ABI3BP: variants seen among roughly 807,000 people sequenced by gnomAD.
ABI3BP encodes the protein target of Nesh-SH3.
Under a neutral mutation model 268.6 loss-of-function variants are expected in ABI3BP, and 216 were observed. The observed-to-expected ratio is 0.80, with a 90% CI of 0.72 to 0.90. The LOEUF (loss-of-function observed/expected upper bound fraction) is 0.90. ABI3BP is among the 40% of genes least tolerant of loss of function. ABI3BP has a pLI of 0.00. For missense variants in ABI3BP, 2,090 were observed against 2,182.4 expected (o/e 0.96, Z 0.84); for synonymous variants, 730 against 730.0 (o/e 1.00, Z 0.00).
At chr3:100,868,013 T>A (rs568490884) in intron 9 of ABI3BP, among the ~76,000 whole-genome samples, 78 of 152,246 alleles carry the variant, frequency 5.1e-4, no homozygotes, top group Non-Finnish European at 6.3e-4. Flanking sequence ...GGATTAATTC[T>A]ATTCAGTTAT....
intron 2 of ABI3BP, among the ~76,000 whole-genome samples, chr3:100,925,738 G>T (rs2061606541): frequency 6.6e-6 from 1 of 151,812 alleles, no homozygotes; most frequent in Admixed American, 6.6e-5. Flanking sequence ...TTCTTAAATG[G>T]TTTTATTTGC....
At chr3:100,901,067 TAC>T (rs1391252410) in intron 3 of ABI3BP, among the ~76,000 whole-genome samples, 3 of 152,212 alleles carry the variant, frequency 2.0e-5, no homozygotes, top group Non-Finnish European at 4.4e-5. Context: ...ATTTTTGAAG[TAC>T]AGTCTTGAAA....
At chr3:100,826,339 T>C (rs1277497672) in intron 34 of ABI3BP, among the ~76,000 whole-genome samples, 1 of 152,172 alleles carries the variant, frequency 6.6e-6, no homozygotes, top group Non-Finnish European at 1.5e-5. Flanking sequence ...CTTTTTCAAA[T>C]GGAAATTAAT....
At chr3:100,874,256 G>A (rs1200442081) in intron 9 of ABI3BP, among the ~76,000 whole-genome samples, 2 of 152,130 alleles carry the variant, frequency 1.3e-5, no homozygotes, top group Middle Eastern at 3.2e-3. Context: ...GTTTGATCAA[G>A]CTTGAGATTC....
At chr3:100,806,298 AAT>A (rs1249501718) in intron 50 of ABI3BP, among the ~76,000 whole-genome samples, 1 of 152,102 alleles carries the variant, frequency 6.6e-6, no homozygotes, top group Non-Finnish European at 1.5e-5. Flanking sequence ...GCCCAACAAC[AAT>A]AGTTTGTATT....
At chr3:100,855,560 A>G (rs1490603686) in intron 14 of ABI3BP, among the ~76,000 whole-genome samples, 2 of 152,260 alleles carry the variant, frequency 1.3e-5, no homozygotes, top group Non-Finnish European at 2.9e-5. Flanking sequence ...TGTCCATTAC[A>G]ATAAACAGTA....
intron 60 of ABI3BP, 22 bp from the exon 61 acceptor site, chr3:100,774,695 C>T (rs1213937511): frequency 1.3e-6 from 2 of 1,510,394 alleles, no homozygotes; most frequent in South Asian, 1.3e-5. Flanking sequence ...AAATAATGAA[C>T]AGTTTTGGCA....
intron 25 of ABI3BP, 40 bp from the exon 26 acceptor site, chr3:100,838,324 A>G: frequency 6.5e-7 from 1 of 1,529,004 alleles, no homozygotes; most frequent in Non-Finnish European, 8.8e-7. Flanking sequence ...GTTACGGCTG[A>G]GCTGTGAATG....
intron 2 of ABI3BP, among the ~76,000 whole-genome samples, chr3:100,920,479 A>T (rs749270975): frequency 6.6e-5 from 10 of 152,136 alleles, no homozygotes; most frequent in Admixed American, 1.3e-4. Context: ...GCTGGAGTGC[A>T]TTGGCGTGAT....
At chr3:100,947,170 A>T (rs1167956551) in intron 1 of ABI3BP, among the ~76,000 whole-genome samples, 2 of 152,162 alleles carry the variant, frequency 1.3e-5, no homozygotes, top group Non-Finnish European at 2.9e-5. Flanking sequence ...TGAACTATGC[A>T]CATACCTGAT....
chr3:100,824,811 G>A (rs780662131), intron 36 of ABI3BP, 47 bp downstream of exon 36: 12 of 1,476,164 alleles, frequency 8.1e-6, no homozygotes, highest in Admixed American at 4.0e-5. Context: ...TCCCCACTGC[G>A]ACAGGCTGCC....
intron 1 of ABI3BP, among the ~76,000 whole-genome samples, chr3:100,940,003 GGGCTCTGTTCCGCCC>G (rs1458790072): frequency 6.6e-6 from 1 of 152,060 alleles, no homozygotes; most frequent in African/African-American, 2.4e-5. Context: ...AAGAGAAATA[GGGCTCTGTTCCGCCC>G]GGCTCACCGG....
intron 62 of ABI3BP, among the ~76,000 whole-genome samples, chr3:100,769,234 C>T (rs890484168): frequency 1.1e-4 from 17 of 152,132 alleles, no homozygotes; most frequent in African/African-American, 3.6e-4. Flanking sequence ...TGGTTAAATA[C>T]GAACTTAATT....
chr3:100,916,238 C>T (rs182867816), intron 2 of ABI3BP, among the ~76,000 whole-genome samples: 4 of 152,274 alleles, frequency 2.6e-5, no homozygotes, highest in African/African-American at 9.6e-5. Flanking sequence ...GGACTTTGTT[C>T]GGATATTTGT....
chr3:100,757,192 G>A lies in ABI3BP; in HGVS notation c.4851-2501C>T, dbSNP rs548158590. Among the ~76,000 whole-genome samples the A allele has an allele frequency of 5.9e-5, 9 of 152,120 alleles. No individual in the cohort carries two copies. The South Asian group carries it at 1.9e-3, about 32-fold the overall frequency. ...CAGAGAATATGGTACCCAACTAGTA[G>A]GAATTGTAGAAGAAAGAAAGGAAAG... On this transcript the variant is annotated intron_variant, in intron 63 of 67. Transcript: ENST00000471714.
At chr3:100,966,907 G>A (rs2081520718) in intron 1 of ABI3BP, among the ~76,000 whole-genome samples, 1 of 150,744 alleles carries the variant, frequency 6.6e-6, no homozygotes, top group Non-Finnish European at 1.5e-5. Flanking sequence ...CGTTATGTGT[G>A]CAATAAATTT....
At chr3:100,925,760 C>T (rs2061614739) in intron 2 of ABI3BP, among the ~76,000 whole-genome samples, 2 of 151,948 alleles carry the variant, frequency 1.3e-5, no homozygotes, top group South Asian at 4.2e-4. Context: ...AATAATTTTT[C>T]TGGAGAAGGC....
intron 58 of ABI3BP, among the ~76,000 whole-genome samples, chr3:100,779,645 G>A (rs1035428915): frequency 3.3e-5 from 5 of 151,910 alleles, no homozygotes; most frequent in African/African-American, 1.2e-4. Flanking sequence ...GTGTTCAGGA[G>A]TGTACTGGTA....
At chr3:100,896,971 C>T (rs36165056) in intron 4 of ABI3BP, among the ~76,000 whole-genome samples, 17,005 of 152,036 alleles carry the variant, frequency 0.11, 1,161 homozygotes, top group Non-Finnish European at 0.15. Context: ...GATTTCCCAA[C>T]GTCAGATGAA....
Sources: allele counts gnomAD v4.1 joint callset (sites outside exome capture counted in the v4.1 genomes callset), GRCh38; gene constraint gnomAD v4.1.1; transcripts MANE v1.5; gene names NCBI Gene and HGNC (gene_info 2026-07-23, HGNC 2026-07-21).